ILKAP: variants seen among roughly 807,000 people sequenced by gnomAD.
ILKAP encodes integrin-linked kinase-associated serine/threonine phosphatase 2C.
Under a neutral mutation model 49.1 loss-of-function variants are expected in ILKAP, and 11 were observed. The observed-to-expected ratio is 0.22, with a 90% confidence interval of 0.14 to 0.37. ILKAP has a LOEUF of 0.37. Among genes scored for constraint, ILKAP ranks in the 10% least tolerant of loss-of-function variants. The pLI is 1.00. For synonymous variants in ILKAP, 186 were observed against 192.8 expected (o/e 0.96, Z 0.29); for missense variants, 363 against 510.8 (o/e 0.71, Z 2.79).
chr2:238,184,250 C>G, intron 6 of ILKAP, 137 bp from the exon 7 acceptor site: 1 of 621,082 alleles, frequency 1.6e-6, no homozygotes, highest in Non-Finnish European at 2.9e-6. Flanking sequence ...AATGCAGTGG[C>G]GCGATCTCAG....
chr2:238,192,940 G>A (rs1471880636), intron 3 of ILKAP, among the ~76,000 whole-genome samples: 1 of 151,978 alleles, frequency 6.6e-6, no homozygotes, highest in African/African-American at 2.4e-5. Context: ...TTAAACCCGG[G>A]AGGTGGAGGT....
At chr2:238,174,941 C>T (rs1441225406) in intron 9 of ILKAP, among the ~76,000 whole-genome samples, 1 of 152,180 alleles carries the variant, frequency 6.6e-6, no homozygotes, top group East Asian at 1.9e-4. Context: ...AGTCATAAAT[C>T]CATCCTGTTT....
chr2:238,197,171 G>A (rs1418717541), intron 1 of ILKAP, among the ~76,000 whole-genome samples: 1 of 152,190 alleles, frequency 6.6e-6, no homozygotes, highest in Non-Finnish European at 1.5e-5. Context: ...ACTCCAGCCT[G>A]GGGGACAAAA....
intron 7 of ILKAP, 43 bp from the exon 8 acceptor site, chr2:238,183,783 C>G: frequency 6.9e-7 from 1 of 1,446,742 alleles, no homozygotes; most frequent in South Asian, 1.2e-5. Context: ...ACCAATAGCC[C>G]AGCACTTTGA....
chr2:238,173,388 G>A lies in ILKAP; in HGVS notation c.956+146C>T, dbSNP rs1181202500. 9.4e-6 allele frequency: 10 copies of A among 1,060,714 alleles called. No homozygotes were observed. The Admixed American group carries it at 2.7e-4, about 29-fold the overall frequency. The allele number at this position is 1,060,714 out of a possible 1,614,324, so 65.7% of individuals were successfully genotyped here. ...TACCACTGTGGACCCCACCAGAGCA[G>A]AAACCACATTTTGTTTATCTCTGCA... On this transcript the variant is annotated intron_variant, in intron 10 of 11. Transcript: ENST00000254654.
intron 3 of ILKAP, among the ~76,000 whole-genome samples, chr2:238,192,531 C>G (rs1694175855): frequency 6.6e-6 from 1 of 151,954 alleles, no homozygotes; most frequent in African/African-American, 2.4e-5. Context: ...AACCCCATCT[C>G]TACTAAAAAT....
chr2:238,194,847 G>C lies in ILKAP; in HGVS notation c.79C>G (p.Leu27Val). The C allele has an allele frequency of 6.2e-7, 1 of 1,614,096 alleles. No individual in the cohort carries two copies. The highest frequency in any genetic ancestry group is 1.6e-4 in the Middle Eastern group (1 of 6,062). The change falls in exon 2 of 12, where the codon CTG becomes GTG. Residue 27 changes from leucine to valine, a missense_variant. By Grantham distance (32) the Leu-to-Val change is conservative. This residue lies in a region of ILKAP where 114 missense variants were observed against 116.0 expected (regional missense o/e 0.98). Transcript: ENST00000254654. ...AAGKEAQKGP[L>V]LFDDLPPASS... The stretch of plus-strand genomic sequence containing the variant: ...GCCGGAGGGAGGTCATCAAAGAGCA[G>C]GGGTCCTTTCTGAGCTTCTTTCCCT...
chr2:238,183,478 T>G lies in ILKAP; in HGVS notation c.714+175A>C, dbSNP rs1574790613. ...CCCCAGAGAACAAACAGCCTCTAGC[T>G]GAGTTGCTGTTCCCTTACCCAGAAG... On this transcript the variant is annotated intron_variant, in intron 8 of 11. Transcript: ENST00000254654. Among the ~76,000 whole-genome samples the G allele has an allele frequency of 2.6e-5, 4 of 152,222 alleles. 1 individual carries two copies. The South Asian group carries it at 8.3e-4, about 32-fold the overall frequency.
Position 238,170,473 on chromosome 2 carries a change from G to GCA in ILKAP, c.*61_*62dup. ...CAGGAGTACACAAAACACACAATGT[G>GCA]CACACACACAAAATGAACCTTTTAA... On this transcript the variant is annotated 3_prime_UTR_variant, in exon 12 of 12. Transcript: ENST00000254654. 1 of 1,514,584 alleles carries GCA rather than the reference G, an allele frequency of 6.6e-7. No homozygotes were observed. Among genetic ancestry groups the GCA allele is most frequent in the Non-Finnish European group, 8.9e-7 (1 of 1,120,120 alleles). 93.8% of individuals were successfully genotyped at this position (1,514,584 alleles called of 1,614,324 possible).
intron 10 of ILKAP, among the ~76,000 whole-genome samples, chr2:238,172,896 T>A (rs1693288716): frequency 6.6e-6 from 1 of 152,168 alleles, no homozygotes; most frequent in Non-Finnish European, 1.5e-5. Context: ...GCACCGCTGC[T>A]CACAGGCCTC....
chr2:238,177,447 T>A (rs1693509641), intron 9 of ILKAP, among the ~76,000 whole-genome samples: 1 of 152,200 alleles, frequency 6.6e-6, no homozygotes. Context: ...CTTCCCAGAC[T>A]GAGATTGTTC....
chr2:238,183,542 AAAGGTTTC>A, intron 8 of ILKAP, 103 bp downstream of exon 8: 1 of 774,956 alleles, frequency 1.3e-6, no homozygotes. Context: ...ACCCCAGAAG[AAAGGTTTC>A]AACCAGACAC....
intron 4 of ILKAP, chr2:238,188,470 T>C (rs1365323232): frequency 3.9e-6 from 2 of 511,806 alleles, no homozygotes; most frequent in Non-Finnish European, 6.8e-6. Flanking sequence ...CTCTAAGAGG[T>C]TGCACAGGGA....
At chr2:238,191,597 C>T (rs936553141) in intron 3 of ILKAP, among the ~76,000 whole-genome samples, 1 of 152,320 alleles carries the variant, frequency 6.6e-6, no homozygotes, top group Admixed American at 6.5e-5. Flanking sequence ...GGATGTGAAA[C>T]TTTCTTCCTT....
intron 1 of ILKAP, among the ~76,000 whole-genome samples, chr2:238,196,204 C>A (rs536358864): frequency 6.9e-4 from 104 of 151,276 alleles, no homozygotes; most frequent in African/African-American, 2.2e-3. Flanking sequence ...TATTCTCCTG[C>A]CCCAGCCTCC....
At chr2:238,175,399 A>C (rs953386099) in intron 9 of ILKAP, among the ~76,000 whole-genome samples, 6 of 152,204 alleles carry the variant, frequency 3.9e-5, no homozygotes, top group African/African-American at 1.4e-4. Flanking sequence ...TCTTGTTTTC[A>C]AAGTTCCATA....
At chr2:238,190,106 A>T in intron 3 of ILKAP, 134 bp from the exon 4 acceptor site, 10 of 735,550 alleles carry the variant, frequency 1.4e-5, no homozygotes, top group East Asian at 3.6e-5. Flanking sequence ...AGGCAGACCC[A>T]GGAGTTGTGT....
At chr2:238,171,707 C>G (rs1693227112) in intron 10 of ILKAP, among the ~76,000 whole-genome samples, 1 of 152,126 alleles carries the variant, frequency 6.6e-6, no homozygotes, top group Admixed American at 6.5e-5. Context: ...GGCCTTACAC[C>G]ACTTCCAGAC....
chr2:238,189,644 T>C lies in ILKAP; in HGVS notation c.298+209A>G, dbSNP rs149825709. ...GAGGAACAAATGTAGGTTTCCTATC[T>C]GATCAAAGGTAGGATCAGAGATAGA... On this transcript the variant is annotated intron_variant, in intron 4 of 11. Coordinates refer to ENST00000254654, the MANE Select transcript of ILKAP (RefSeq NM_030768.3). 2.4e-4 allele frequency: 94 copies of C among 393,824 alleles called. 1 individual carries two copies. The East Asian group carries it at 4.7e-3, about 20-fold the overall frequency. 24.4% of individuals were successfully genotyped at this position (393,824 alleles called of 1,614,324 possible). A position where few individuals can be genotyped will look rare whatever the true frequency, so the allele number is the denominator to read the frequency against.
Sources: gnomAD v4.1 joint callset for allele counts (sites outside exome capture counted in the v4.1 genomes callset) on GRCh38, gnomAD v4.1.1 for gene constraint, gnomAD v4.1.1 regional missense constraint, MANE v1.5 for transcripts, NCBI Gene and HGNC (gene_info 2026-07-23, HGNC 2026-07-21) for gene names.